MGAM2: variants seen among roughly 807,000 people sequenced by gnomAD.
MGAM2 encodes the protein maltase-glucoamylase 2 (putative), also known as probable maltase-glucoamylase 2.
In MGAM2, 98 loss-of-function variants were observed where a neutral mutation model predicts 96.1. The observed-to-expected ratio is 1.02, with a 90% CI of 0.87 to 1.21. MGAM2 has a LOEUF of 1.21. MGAM2 is among the 50% of genes most tolerant of loss of function. MGAM2 has a pLI of 0.00. For missense variants in MGAM2, 2,055 were observed against 1,182.4 expected, an observed-to-expected ratio of 1.74 and a Z score of -10.82; for synonymous variants, 749 against 414.8, an observed-to-expected ratio of 1.81 and a Z score of -9.79.
chr7:142,171,556 G>A (rs182872429), intron 28 of MGAM2, 116 bp downstream of exon 28: 30 of 508,750 alleles, frequency 5.9e-5, no homozygotes, highest in African/African-American at 3.0e-4. Flanking sequence ...GATAAATTCC[G>A]CTCTCAGTTG....
chr7:142,165,667 T>C (rs1397570378), intron 24 of MGAM2, among the ~76,000 whole-genome samples: 2 of 152,206 alleles, frequency 1.3e-5, no homozygotes, highest in Non-Finnish European at 1.5e-5. Context: ...TTCTGTTCTG[T>C]AAAATGGAGA....
intron 27 of MGAM2, 88 bp from the exon 28 acceptor site, chr7:142,171,184 C>A (rs1010528706): frequency 4.3e-6 from 3 of 698,160 alleles, no homozygotes; most frequent in Non-Finnish European, 5.2e-6. Context: ...ATTAAGGAGG[C>A]TTTGGAATCA....
chr7:142,135,238 T>A (rs1217180645), intron 7 of MGAM2, among the ~76,000 whole-genome samples: 2 of 152,212 alleles, frequency 1.3e-5, no homozygotes, highest in Non-Finnish European at 2.9e-5. Flanking sequence ...GGGAGTGAAC[T>A]TGCTGAGCAG....
At chr7:142,155,207 A>G (rs1049852481) in intron 17 of MGAM2, among the ~76,000 whole-genome samples, 2 of 152,198 alleles carry the variant, frequency 1.3e-5, no homozygotes, top group African/African-American at 4.8e-5. Flanking sequence ...TGGAGGAACA[A>G]GGAGAAAGAA....
At chr7:142,144,711 A>G in intron 13 of MGAM2, 150 bp from the exon 14 acceptor site, 1 of 510,482 alleles carries the variant, frequency 2.0e-6, no homozygotes, top group East Asian at 3.2e-5. Context: ...GATGAAACAG[A>G]GGGTAAGAAA....
chr7:142,118,696 T>C (rs1414469547), intron 2 of MGAM2, among the ~76,000 whole-genome samples: 1 of 152,180 alleles, frequency 6.6e-6, no homozygotes, highest in Non-Finnish European at 1.5e-5. Flanking sequence ...AGCCCTCTGG[T>C]GTCTTTAAGC....
intron 26 of MGAM2, among the ~76,000 whole-genome samples, chr7:142,168,461 G>A (rs1796094892): frequency 1.3e-5 from 2 of 152,050 alleles, no homozygotes; most frequent in South Asian, 4.1e-4. Context: ...GTAGAGATAG[G>A]ATTTCACCAT....
chr7:142,172,553 A>G, intron 29 of MGAM2, 99 bp from the exon 30 acceptor site: 1 of 592,682 alleles, frequency 1.7e-6, no homozygotes, highest in Admixed American at 3.0e-5. Context: ...GGCATGTATC[A>G]AAGACAGAGT....
At chr7:142,114,150 G>GA (rs1444888223) in intron 1 of MGAM2, among the ~76,000 whole-genome samples, 8 of 111,048 alleles carry the variant, frequency 7.2e-5, no homozygotes, top group Non-Finnish European at 1.4e-4. Context: ...AAGAAAGAAA[G>GA]AAGGAAAGAA....
At chr7:142,169,866 A>G (rs1167010350) in intron 26 of MGAM2, among the ~76,000 whole-genome samples, 3 of 152,106 alleles carry the variant, frequency 2.0e-5, no homozygotes, top group African/African-American at 4.8e-5. Context: ...TTGGCTTTGA[A>G]TGGGTTTTAC....
intron 7 of MGAM2, 99 bp downstream of exon 7, chr7:142,134,251 A>G: frequency 1.8e-6 from 1 of 549,516 alleles, no homozygotes; most frequent in African/African-American, 1.9e-5. Context: ...TACTTTGCTC[A>G]CTTTAGATGT....
At chr7:142,219,739 G>T in intron 47 of MGAM2, 131 bp from the exon 48 acceptor site, 1 of 593,850 alleles carries the variant, frequency 1.7e-6, no homozygotes, top group Non-Finnish European at 3.0e-6. Context: ...ACCCAAAAAG[G>T]AATGTTTATA....
At chr7:142,178,435 C>T (rs1245258463) in intron 32 of MGAM2, among the ~76,000 whole-genome samples, 1 of 152,070 alleles carries the variant, frequency 6.6e-6, no homozygotes, top group Non-Finnish European at 1.5e-5. Context: ...TTTGCTAAGG[C>T]CAATGTCAAG....
chr7:142,186,645 G>A (rs1796708412), intron 35 of MGAM2, among the ~76,000 whole-genome samples: 1 of 152,180 alleles, frequency 6.6e-6, no homozygotes, highest in South Asian at 2.1e-4. Context: ...TATGTCCAAG[G>A]GCAGCTCTAT....
Position 142,147,497 on chromosome 7 carries a change from G to A in MGAM2, c.1558G>A (p.Asp520Asn), listed in dbSNP as rs1180235761. The A allele has an allele frequency of 1.4e-6, 1 of 702,692 alleles. No individual in the cohort carries two copies. The highest frequency in any genetic ancestry group is 2.6e-6 in the Non-Finnish European group (1 of 384,904). 43.5% of individuals were successfully genotyped at this position (702,692 alleles called of 1,614,324 possible). A position where few individuals can be genotyped will look rare whatever the true frequency, so the allele number is the denominator to read the frequency against. Residue 520 changes from aspartate (D) to asparagine (N), a missense_variant, in exon 15 of 48, where the codon GAC becomes AAC. By Grantham distance (23) the Asp-to-Asn change is conservative. Transcript: ENST00000477922. ...HLLFARTLCM[D>N]TEFHGGLHYD... is the part of the protein sequence containing the mutation. ...ACTTTTTGCAAGAACTCTCTGCATG[G>A]ACACGGAGTTTCATGGGGGCCTTCA...
At chr7:142,179,441 C>T (rs1315822832) in intron 32 of MGAM2, among the ~76,000 whole-genome samples, 1 of 152,176 alleles carries the variant, frequency 6.6e-6, no homozygotes, top group African/African-American at 2.4e-5. Flanking sequence ...CTCCAGTTCT[C>T]AAGAAGAATG....
In MGAM2 at chr7:142,131,943, A is replaced by T. The variant is rs1276917527; in HGVS notation, c.433A>T (p.Asn145Tyr). The T allele has an allele frequency of 2.8e-6, 2 of 702,024 alleles. No homozygotes were observed. The highest frequency in any genetic ancestry group is 5.2e-6 in the Non-Finnish European group (2 of 384,678). The allele number at this position is 702,024 out of a possible 1,614,324, so 43.5% of individuals were successfully genotyped here. Residue 145 changes from asparagine (N) to tyrosine (Y), a missense_variant, in exon 6 of 48, where the codon AAT becomes TAT. Asn to Tyr is a moderately radical substitution (Grantham distance 143, BLOSUM62 -2). Transcript: ENST00000477922. ...TTTCTTTTGACAGATCACTGACTTTAATAACATACGCTATGAAGTTTCCCA... is the reference window on the plus strand; with the variant it reads ...TTTCTTTTGACAGATCACTGACTTTTATAACATACGCTATGAAGTTTCCCA... ...NRFHFKITDF[N>Y]NIRYEVSHEN...
In MGAM2 at chr7:142,172,026, T is replaced by G. The variant is rs1796211386; in HGVS notation, c.3352-72T>G. ...TGAATCTTTAATGATGAGTAAGAGT[T>G]TGCTGTTTGGGTTATGGTATGAAAA... On this transcript the variant is annotated intron_variant, in intron 28 of 47. Coordinates refer to ENST00000477922, the MANE Select transcript of MGAM2 (RefSeq NM_001293626.2). The G allele has an allele frequency of 1.5e-5, 9 of 592,992 alleles. No homozygotes were observed. The South Asian group carries it at 1.8e-4, about 12-fold the overall frequency. The allele number at this position is 592,992 out of a possible 1,614,324, so 36.7% of individuals were successfully genotyped here.
At chr7:142,185,024 T>G in intron 33 of MGAM2, 53 bp from the exon 34 acceptor site, 1 of 699,400 alleles carries the variant, frequency 1.4e-6, no homozygotes, top group Non-Finnish European at 2.6e-6. Context: ...AAATATCTCA[T>G]AGTCTGTATG....
Sources: allele counts gnomAD v4.1 joint callset (sites outside exome capture counted in the v4.1 genomes callset), GRCh38; gene constraint gnomAD v4.1.1; transcripts MANE v1.5; gene names NCBI Gene and HGNC (gene_info 2026-07-23, HGNC 2026-07-21).